DCAF5: variants seen among roughly 807,000 people sequenced by gnomAD.
DCAF5 encodes the protein DDB1 and CUL4 associated factor 5, also known as DDB1- and CUL4-associated factor 5.
Under a neutral mutation model 80.7 loss-of-function variants are expected in DCAF5, and 9 were observed. The observed-to-expected ratio is 0.11, with a 90% CI of 0.07 to 0.19. The LOEUF (loss-of-function observed/expected upper bound fraction) is 0.19, where lower values mean the gene tolerates loss of function less well. DCAF5 is among the 10% of genes least tolerant of loss of function. The pLI is 1.00. For synonymous variants in DCAF5, 433 were observed against 461.9 expected (o/e 0.94, Z 0.80); for missense variants, 842 against 1,205.7 (o/e 0.70, Z 4.47).
rs1161053879 is a variant in DCAF5 at position 69,051,945 on chromosome 14, A to G, written c.*1912T>C. The stretch of plus-strand genomic sequence containing the variant: ...AATGACTTGGGCTTATAAAACCAGC[A>G]TTTACAATTATCTGTGAATAGTCAA... On this transcript the variant is annotated 3_prime_UTR_variant, in exon 9 of 9. Transcript: ENST00000341516. 6.6e-6 allele frequency: 1 copy of G among 152,630 alleles called. No homozygotes were observed. The highest frequency in any genetic ancestry group is 1.9e-4 in the East Asian group (1 of 5,200). 9.5% of individuals were successfully genotyped at this position (152,630 alleles called of 1,614,324 possible).
chr14:69,070,535 G>A (rs1193023486), intron 7 of DCAF5, among the ~76,000 whole-genome samples: 11 of 152,222 alleles, frequency 7.2e-5, no homozygotes, highest in Admixed American at 6.5e-4. Context: ...AATCAGACAT[G>A]TAGTTAGTGG....
chr14:69,072,486 T>C (rs1257950650), intron 7 of DCAF5, among the ~76,000 whole-genome samples: 1 of 151,942 alleles, frequency 6.6e-6, no homozygotes, highest in African/African-American at 2.4e-5. Context: ...TGCACACCTG[T>C]AGTCCTAGAT....
In DCAF5 at chr14:69,099,251, AACACACACACACAC is replaced by A. The variant is rs60913200; in HGVS notation, c.666-7378_666-7365del. Among the ~76,000 whole-genome samples, 121 of 124,350 alleles carry A rather than the reference AACACACACACACAC, an allele frequency of 9.7e-4. 1 individual carries two copies. The highest frequency in any genetic ancestry group is 2.1e-3 in the South Asian group (7 of 3,278). The allele number at this position is 124,350 out of a possible 152,430, so 81.6% of individuals were successfully genotyped here. ...TGGCAACAGAGTGGGACTCTGTCTC[AACACACACACACAC>A]ACACACACACACACACACACACACA... On this transcript the variant is annotated intron_variant, in intron 5 of 8. Transcript: ENST00000341516.
rs529729141 is a variant in DCAF5 at position 69,102,542 on chromosome 14, C to CTT, written c.666-10657_666-10656dup. 2.6e-3 allele frequency among the ~76,000 whole-genome samples: 339 copies of CTT among 129,682 alleles called. 2 individuals carry two copies. Among genetic ancestry groups the CTT allele is most frequent in the African/African-American group, 8.1e-3 (294 of 36,286 alleles). The allele number at this position is 129,682 out of a possible 152,430, so 85.1% of individuals were successfully genotyped here. The stretch of plus-strand genomic sequence containing the variant: ...CACTTTCCTTCTTTATATCCTTATT[C>CTT]TTTTTTTTTTTTTTTACTTTTTAAA... On this transcript the variant is annotated intron_variant, in intron 5 of 8. Transcript: ENST00000341516.
chr14:69,066,992 G>C (rs1448385948), intron 7 of DCAF5, among the ~76,000 whole-genome samples: 10 of 152,150 alleles, frequency 6.6e-5, no homozygotes, highest in African/African-American at 2.4e-4. Context: ...ATCATGCTGG[G>C]ACACTGTCCT....
At chr14:69,140,598 A>G (rs1467881530) in intron 1 of DCAF5, among the ~76,000 whole-genome samples, 1 of 152,162 alleles carries the variant, frequency 6.6e-6, no homozygotes, top group African/African-American at 2.4e-5. Context: ...CTCAAAATCA[A>G]CTCTACAAAG....
chr14:69,061,997 T>A (rs574261512), intron 8 of DCAF5, among the ~76,000 whole-genome samples: 7 of 152,276 alleles, frequency 4.6e-5, no homozygotes, highest in South Asian at 2.1e-4. Context: ...TCTAAAAAAA[T>A]TTTTTTAATG....
chr14:69,152,868 G>T lies in DCAF5; in HGVS notation c.111C>A (p.Arg37=). The part of the protein sequence containing the change: ...PLLTQDFQRR[R]LRGCRNLYKK... ...TGTAGAGGTTTCTGCAGCCCCGCAGGCGTCTCCTCTGAAAGTCCTGAGTGA... is the reference window on the plus strand; with the variant it reads ...TGTAGAGGTTTCTGCAGCCCCGCAGTCGTCTCCTCTGAAAGTCCTGAGTGA... Residue 37 remains arginine, a synonymous_variant, in exon 1 of 9, where the codon CGC becomes CGA. Coordinates refer to ENST00000341516, the MANE Select transcript of DCAF5 (RefSeq NM_003861.3). This position sits in a 1 kb window ranked among gnomAD's most constrained non-coding sequence, Gnocchi z 4.1. The T allele has an allele frequency of 6.2e-7, 1 of 1,614,110 alleles. No individual in the cohort carries two copies. Among genetic ancestry groups the T allele is most frequent in the South Asian group, 1.1e-5 (1 of 91,086 alleles).
At chr14:69,131,675 A>G (rs1008140897) in intron 1 of DCAF5, among the ~76,000 whole-genome samples, 2 of 152,026 alleles carry the variant, frequency 1.3e-5, no homozygotes, top group African/African-American at 4.8e-5. Flanking sequence ...CATTCTACCA[A>G]CATGCAGAGG....
chr14:69,062,612 T>C (rs1044886650), intron 7 of DCAF5, 101 bp from the exon 8 acceptor site: 31 of 1,361,538 alleles, frequency 2.3e-5, no homozygotes, highest in Non-Finnish European at 2.5e-5. Context: ...AGCAAAGATT[T>C]TTGGATTATA....
At chr14:69,133,613 C>G (rs925633342) in intron 1 of DCAF5, among the ~76,000 whole-genome samples, 1 of 152,170 alleles carries the variant, frequency 6.6e-6, no homozygotes, top group Non-Finnish European at 1.5e-5. Flanking sequence ...TTTTGCTCTT[C>G]ACTACAGAAG....
At chr14:69,116,701 AC>A (rs571055544) in intron 4 of DCAF5, among the ~76,000 whole-genome samples, 357 of 152,286 alleles carry the variant, frequency 2.3e-3, no homozygotes, top group Non-Finnish European at 3.9e-3. Context: ...AACACATTTA[AC>A]CACATTTTAA....
At chr14:69,094,270 T>C (rs1337511828) in intron 5 of DCAF5, among the ~76,000 whole-genome samples, 1 of 152,054 alleles carries the variant, frequency 6.6e-6, no homozygotes, top group Non-Finnish European at 1.5e-5. Flanking sequence ...CTCTGCCCAT[T>C]CTAGTCAGGC....
chr14:69,094,915 A>G (rs187404322), intron 5 of DCAF5, among the ~76,000 whole-genome samples: 4 of 152,342 alleles, frequency 2.6e-5, no homozygotes, highest in Admixed American at 2.6e-4. Context: ...GTAGCTTTCA[A>G]ACCACACTGT....
chr14:69,136,600 A>G (rs555342650), intron 1 of DCAF5, among the ~76,000 whole-genome samples: 1 of 152,288 alleles, frequency 6.6e-6, no homozygotes, highest in East Asian at 1.9e-4. Flanking sequence ...TATGAAAACT[A>G]ATATTTTTTC....
chr14:69,080,040 G>A (rs1025754688), intron 6 of DCAF5, among the ~76,000 whole-genome samples: 2 of 152,074 alleles, frequency 1.3e-5, no homozygotes, highest in African/African-American at 4.8e-5. Flanking sequence ...TGGATATCTG[G>A]GAGAAGAGTA....
At chr14:69,093,867 G>T (rs142048025) in intron 5 of DCAF5, among the ~76,000 whole-genome samples, 1 of 152,146 alleles carries the variant, frequency 6.6e-6, no homozygotes, top group African/African-American at 2.4e-5. Context: ...TATCCCTGCA[G>T]GCCCCAAGTA....
intron 2 of DCAF5, among the ~76,000 whole-genome samples, chr14:69,121,612 T>C (rs955938999): frequency 7.9e-5 from 12 of 152,194 alleles, no homozygotes; most frequent in African/African-American, 2.9e-4. Flanking sequence ...TGGTTTTAGA[T>C]CTATTGTATT....
At chr14:69,120,903 TGG>T (rs1566773188) in intron 2 of DCAF5, among the ~76,000 whole-genome samples, 1 of 152,196 alleles carries the variant, frequency 6.6e-6, no homozygotes, top group Non-Finnish European at 1.5e-5. Context: ...GATCTAGCTA[TGG>T]GGTCAATTAT....
Sources: allele counts gnomAD v4.1 joint callset (sites outside exome capture counted in the v4.1 genomes callset), GRCh38; gene constraint gnomAD v4.1.1; non-coding constraint Gnocchi (gnomAD v3.1); transcripts MANE v1.5; gene names NCBI Gene and HGNC (gene_info 2026-07-23, HGNC 2026-07-21).